STK3: variants seen among roughly 807,000 people sequenced by gnomAD.
STK3 encodes the protein serine/threonine-protein kinase 3.
In STK3, 41 loss-of-function variants were observed where a neutral mutation model predicts 58.0. That is an observed-to-expected ratio of 0.71 (90% CI 0.55 to 0.92). STK3 has a LOEUF of 0.92. STK3 is among the 40% of genes least tolerant of loss of function. The pLI is 0.00. For missense variants in STK3, 479 were observed against 602.7 expected (o/e 0.79, Z 2.15); for synonymous variants, 170 against 191.0 (o/e 0.89, Z 0.91).
intron 1 of STK3, among the ~76,000 whole-genome samples, chr8:98,797,718 C>T (rs1286616392): frequency 6.6e-6 from 1 of 152,138 alleles, no homozygotes; most frequent in African/African-American, 2.4e-5. Context: ...AAACTTCAGC[C>T]AGTTTTTCTA....
At chr8:98,572,697 T>TG (rs924129309) in intron 8 of STK3, among the ~76,000 whole-genome samples, 25 of 152,146 alleles carry the variant, frequency 1.6e-4, no homozygotes, top group African/African-American at 5.8e-4. Context: ...TAAGTGCTTG[T>TG]GAGAGTGTAT....
At chr8:98,739,078 A>AAGC (rs1828928984) in intron 4 of STK3, among the ~76,000 whole-genome samples, 1 of 152,232 alleles carries the variant, frequency 6.6e-6, no homozygotes, top group African/African-American at 2.4e-5. Flanking sequence ...TAGGTAAACA[A>AAGC]AGCAGCCGGG....
chr8:98,385,180 T>C (rs1046818762), intron 1 of STK3, among the ~76,000 whole-genome samples: 1 of 151,536 alleles, frequency 6.6e-6, no homozygotes, highest in Middle Eastern at 3.4e-3. Context: ...GAAGAAACCC[T>C]GTTGTGCCTT....
At chr8:98,718,133 G>C (rs1827155701) in intron 4 of STK3, among the ~76,000 whole-genome samples, 1 of 152,070 alleles carries the variant, frequency 6.6e-6, no homozygotes, top group Admixed American at 6.6e-5. Context: ...ATGGATAATG[G>C]GGATGCTTAC....
intron 4 of STK3, among the ~76,000 whole-genome samples, chr8:98,740,812 G>A (rs1829137449): frequency 1.3e-5 from 2 of 152,142 alleles, no homozygotes; most frequent in Non-Finnish European, 2.9e-5. Flanking sequence ...ATTGGATAAA[G>A]AGTCAAGACC....
At chr8:98,349,613 C>A in the STK3 span, among the ~76,000 whole-genome samples, 2 of 152,234 alleles carry the variant, frequency 1.3e-5, no homozygotes, top group African/African-American at 4.8e-5. Context: ...AATACCTCAC[C>A]CCAGCAGCAA....
At chr8:98,460,681 C>T (rs552506041) in intron 10 of STK3, among the ~76,000 whole-genome samples, 2 of 152,244 alleles carry the variant, frequency 1.3e-5, no homozygotes, top group South Asian at 4.2e-4. Context: ...GGGCAGTTTC[C>T]TCCATGCTGT....
In STK3 at chr8:98,855,324, C is replaced by T. The variant is rs1404844253; in HGVS notation, c.110+28323G>A. ...AGTGTGGTGCAGGCACAAGGACAGA[C>T]ATATGGATCAGAGAGTCTAGAAATA... On this transcript the variant is annotated intron_variant, in intron 3 of 12. Transcript: ENST00000523601. Among the ~76,000 whole-genome samples the T allele has an allele frequency of 3.3e-5, 5 of 152,194 alleles. No homozygotes were observed. The East Asian group carries it at 7.7e-4, about 23-fold the overall frequency.
chr8:98,721,010 A>G (rs1490870897), intron 4 of STK3: 2 of 796,008 alleles, frequency 2.5e-6, no homozygotes, highest in Non-Finnish European at 1.5e-6. Context: ...ATTATTTTCA[A>G]TGGTATGCCA....
intron 4 of STK3, among the ~76,000 whole-genome samples, chr8:98,738,540 A>G (rs1388123159): frequency 1.3e-5 from 2 of 152,172 alleles, no homozygotes; most frequent in Non-Finnish European, 2.9e-5. Context: ...GAAAACAAAG[A>G]CAAGGGAATT....
chr8:98,723,236 G>GT (rs1827563511), intron 4 of STK3, among the ~76,000 whole-genome samples: 1 of 152,054 alleles, frequency 6.6e-6, no homozygotes, highest in Non-Finnish European at 1.5e-5. Context: ...AGGGATAAAA[G>GT]TAAGACATTT....
At chr8:98,895,622 CTACAGGCAGCCA>C (rs1367900258) in intron 1 of STK3, among the ~76,000 whole-genome samples, 1 of 152,102 alleles carries the variant, frequency 6.6e-6, no homozygotes, top group Non-Finnish European at 1.5e-5. Context: ...GGCTTGATGG[CTACAGGCAGCCA>C]TCCTCCAACA....
In STK3 at chr8:98,678,306, C is replaced by T. The variant is rs72666679; in HGVS notation, c.684+28161G>A. Among the ~76,000 whole-genome samples the T allele has an allele frequency of 5.9e-3, 899 of 151,910 alleles. 4 individuals carry two copies. The highest frequency in any genetic ancestry group is 0.032 in the South Asian group (153 of 4,818). ...GGAAATAAAATTTGTAGAAAAGAAA[C>T]AGAAAAATGAAATCCATAGAGAATT... is the stretch of plus-strand genomic sequence containing the variant. On this transcript the variant is annotated intron_variant, in intron 6 of 10. Coordinates refer to ENST00000419617, the MANE Select transcript of STK3 (RefSeq NM_006281.4).
chr8:98,932,029 G>T (rs946034027), intron 1 of STK3, among the ~76,000 whole-genome samples: 27 of 152,168 alleles, frequency 1.8e-4, no homozygotes, highest in Admixed American at 1.8e-3. Flanking sequence ...CCAGATCAAC[G>T]AAATGCCTGG....
At chr8:98,790,940 C>T (rs1184368629) in intron 1 of STK3, among the ~76,000 whole-genome samples, 2 of 151,330 alleles carry the variant, frequency 1.3e-5, no homozygotes, top group African/African-American at 2.4e-5. Context: ...GCTGAGATCG[C>T]GCCATTGCAC....
chr8:98,669,096 A>G (rs918066267), intron 6 of STK3, among the ~76,000 whole-genome samples: 2 of 145,944 alleles, frequency 1.4e-5, no homozygotes, highest in African/African-American at 5.1e-5. Flanking sequence ...TCCTGGCTCC[A>G]AGCAATTCTC....
At chr8:98,779,002 C>T (rs1313349305) in intron 1 of STK3, 1 of 151,832 alleles carries the variant, frequency 6.6e-6, no homozygotes, top group Non-Finnish European at 1.5e-5. Flanking sequence ...GCACATTGTG[C>T]ACATGTACCC....
chr8:98,777,265 C>A (rs1831755218), intron 1 of STK3, among the ~76,000 whole-genome samples: 1 of 152,088 alleles, frequency 6.6e-6, no homozygotes, highest in African/African-American at 2.4e-5. Context: ...CGGTGGCTCA[C>A]GCCTGTATTC....
At chr8:98,645,698 T>C (rs1259081573) in intron 6 of STK3, among the ~76,000 whole-genome samples, 2 of 152,142 alleles carry the variant, frequency 1.3e-5, no homozygotes, top group East Asian at 1.9e-4. Context: ...TAAACACTGA[T>C]TGAATAGAAA....
Sources: gnomAD v4.1 joint callset for allele counts (sites outside exome capture counted in the v4.1 genomes callset) on GRCh38, gnomAD v4.1.1 for gene constraint, MANE v1.5 for transcripts, NCBI Gene and HGNC (gene_info 2026-07-23, HGNC 2026-07-21) for gene names.